SGCD: variants seen among roughly 807,000 people sequenced by gnomAD.
SGCD encodes the protein sarcoglycan delta.
A neutral mutation model predicts 36.6 loss-of-function variants in SGCD; 18 were observed. The ratio of observed to expected loss-of-function variants is 0.49; its 90% CI spans 0.34 to 0.73. The LOEUF is 0.73. Ranked by LOEUF, SGCD falls within the 30% of genes least tolerant of loss-of-function variation. SGCD has a pLI of 0.01. For synonymous variants in SGCD, 133 were observed against 130.6 expected (o/e 1.02, Z -0.12); for missense variants, 387 against 346.7 (o/e 1.12, Z -0.92).
At chr5:155,908,631 C>T (rs1756571811) in intron 1 of SGCD, among the ~76,000 whole-genome samples, 1 of 152,094 alleles carries the variant, frequency 6.6e-6, no homozygotes. Flanking sequence ...AGTTGTCAAA[C>T]CCTGGTCAAT....
At chr5:155,749,005 CTG>C in the SGCD span, among the ~76,000 whole-genome samples, 5 of 152,116 alleles carry the variant, frequency 3.3e-5, no homozygotes, top group African/African-American at 1.2e-4. Context: ...ATAATGACAA[CTG>C]TGGTTTATTA....
the SGCD span, among the ~76,000 whole-genome samples, chr5:155,849,371 T>G: frequency 1.3e-5 from 2 of 152,112 alleles, no homozygotes; most frequent in Non-Finnish European, 2.9e-5. Flanking sequence ...AAACAATTTA[T>G]GCAGTAAGAT....
chr5:156,578,375 T>C (rs890216006), intron 4 of SGCD, among the ~76,000 whole-genome samples: 4 of 151,996 alleles, frequency 2.6e-5, no homozygotes, highest in African/African-American at 4.8e-5. Context: ...TAAAATTCTC[T>C]TTTTTTTGTA....
At chr5:156,070,867 T>C (rs1760529982) in intron 1 of SGCD, among the ~76,000 whole-genome samples, 1 of 152,202 alleles carries the variant, frequency 6.6e-6, no homozygotes, top group African/African-American at 2.4e-5. Flanking sequence ...TGGGAGGGTG[T>C]ATGTGATGAG....
intron 3 of SGCD, among the ~76,000 whole-genome samples, chr5:156,180,984 G>A (rs1477414675): frequency 6.6e-6 from 1 of 152,110 alleles, no homozygotes; most frequent in Admixed American, 6.6e-5. Flanking sequence ...AGATTCCTAG[G>A]GAGATGGTCT....
chr5:156,573,098 T>C (rs942930618), intron 4 of SGCD, among the ~76,000 whole-genome samples: 8 of 152,226 alleles, frequency 5.3e-5, no homozygotes, highest in African/African-American at 1.9e-4. Flanking sequence ...GAACATATTG[T>C]TTATTCATGA....
chr5:156,003,423 G>T (rs1758700943), intron 1 of SGCD, among the ~76,000 whole-genome samples: 1 of 152,152 alleles, frequency 6.6e-6, no homozygotes, highest in Admixed American at 6.5e-5. Flanking sequence ...ATCTTTAAAG[G>T]TCCTCAGCAT....
At chr5:156,363,296 G>A (rs894578680) in intron 3 of SGCD, among the ~76,000 whole-genome samples, 3 of 152,106 alleles carry the variant, frequency 2.0e-5, no homozygotes, top group Non-Finnish European at 2.9e-5. Context: ...ATTTCTAAAA[G>A]TATTGTTCTT....
intron 3 of SGCD, among the ~76,000 whole-genome samples, chr5:156,410,237 A>G (rs1772667809): frequency 6.6e-6 from 1 of 152,246 alleles, no homozygotes; most frequent in Admixed American, 6.5e-5. Context: ...CATCCTTCAC[A>G]GCAGCATGGA....
At chr5:156,148,072 TC>T (rs1460262586) in intron 3 of SGCD, among the ~76,000 whole-genome samples, 1 of 152,138 alleles carries the variant, frequency 6.6e-6, no homozygotes, top group Non-Finnish European at 1.5e-5. Context: ...GAACTACCCC[TC>T]CTCCAGTAAG....
intron 3 of SGCD, among the ~76,000 whole-genome samples, chr5:156,374,125 A>G (rs932161857): frequency 6.7e-6 from 1 of 148,634 alleles, no homozygotes; most frequent in African/African-American, 2.5e-5. Context: ...GGGAAACTTC[A>G]GAGCTAAGAA....
At chr5:155,799,102 T>C in the SGCD span, among the ~76,000 whole-genome samples, 1 of 152,206 alleles carries the variant, frequency 6.6e-6, no homozygotes, top group Admixed American at 6.5e-5. Context: ...CCTTCTCTCT[T>C]TGTCCAAATA....
chr5:155,730,475 G>GTGT, the SGCD span, among the ~76,000 whole-genome samples: 1 of 151,198 alleles, frequency 6.6e-6, no homozygotes, highest in South Asian at 2.1e-4. Flanking sequence ...GTGTGTGTGT[G>GTGT]GCGAGGGGAA....
At chr5:156,301,379 T>A (rs1027334333) in intron 3 of SGCD, among the ~76,000 whole-genome samples, 10 of 152,088 alleles carry the variant, frequency 6.6e-5, no homozygotes, top group Non-Finnish European at 1.0e-4. Flanking sequence ...AAGAGAAAAC[T>A]AGTAAAAACT....
At chr5:156,312,561 G>A (rs995401884) in intron 3 of SGCD, among the ~76,000 whole-genome samples, 2 of 152,154 alleles carry the variant, frequency 1.3e-5, no homozygotes, top group African/African-American at 4.8e-5. Flanking sequence ...GCAATGAGAA[G>A]CAGTTTAGCA....
chr5:155,850,508 G>A, the SGCD span, among the ~76,000 whole-genome samples: 2 of 152,078 alleles, frequency 1.3e-5, no homozygotes, highest in African/African-American at 4.8e-5. Context: ...GCTGATGAAA[G>A]GATGGTGAAT....
chr5:155,757,664 A>G, the SGCD span, among the ~76,000 whole-genome samples: 1 of 152,178 alleles, frequency 6.6e-6, no homozygotes, highest in East Asian at 1.9e-4. Context: ...CCCGGGTTGT[A>G]CAGGATGTTG....
chr5:156,130,836 C>T (rs12109563), intron 3 of SGCD, among the ~76,000 whole-genome samples: 9,147 of 152,130 alleles, frequency 0.06, 635 homozygotes, highest in East Asian at 0.14. Context: ...AAGTGATTCT[C>T]CTGCCTCATC....
intron 1 of SGCD, among the ~76,000 whole-genome samples, chr5:155,956,850 T>C (rs1019344077): frequency 6.8e-6 from 1 of 146,482 alleles, no homozygotes; most frequent in Non-Finnish European, 1.5e-5. Context: ...CTTTACTTAG[T>C]TATGTCTGCA....
Sources: gnomAD v4.1 joint callset for allele counts (sites outside exome capture counted in the v4.1 genomes callset) on GRCh38, gnomAD v4.1.1 for gene constraint, MANE v1.5 for transcripts, NCBI Gene and HGNC (gene_info 2026-07-23, HGNC 2026-07-21) for gene names.